ZNF362: variants seen among roughly 807,000 people sequenced by gnomAD.
ZNF362 encodes the protein zinc finger protein 362.
In ZNF362, 11 loss-of-function variants were observed where a neutral mutation model predicts 42.9. The ratio of observed to expected loss-of-function variants is 0.26; its 90% CI spans 0.16 to 0.42. ZNF362 has a LOEUF of 0.42. Ranked by LOEUF, ZNF362 falls within the 20% of genes least tolerant of loss-of-function variation. The pLI, the probability that ZNF362 is intolerant of heterozygous loss-of-function variation, is 1.00. For missense variants in ZNF362, 362 were observed against 576.2 expected, an observed-to-expected ratio of 0.63 and a Z score of 3.81; for synonymous variants, 255 against 257.3, an observed-to-expected ratio of 0.99 and a Z score of 0.09.
the ZNF362 span, chr1:33,147,126 C>A: frequency 3.8e-6 from 6 of 1,581,808 alleles, no homozygotes; most frequent in Admixed American, 1.7e-5. This position sits in a 1 kb window ranked among gnomAD's most constrained non-coding sequence, Gnocchi z 8.1. Flanking sequence ...CTGGGCAGGG[C>A]TCTTGCAGGT....
At chr1:33,228,285 G>T in the ZNF362 span, among the ~76,000 whole-genome samples, 3 of 152,094 alleles carry the variant, frequency 2.0e-5, no homozygotes, top group Non-Finnish European at 2.9e-5. Flanking sequence ...AAACCCAGGA[G>T]TCATCCTTCC....
chr1:33,243,108 A>ATG, the ZNF362 span, among the ~76,000 whole-genome samples: 125 of 144,550 alleles, frequency 8.6e-4, no homozygotes, highest in African/African-American at 3.0e-3. Flanking sequence ...CACAACTGTT[A>ATG]TTATGTTATG....
chr1:33,181,319 G>A, the ZNF362 span: 9 of 1,569,808 alleles, frequency 5.7e-6, no homozygotes, highest in Admixed American at 9.4e-5. The surrounding 1 kb of genome is among the most constrained non-coding windows in gnomAD (Gnocchi z 6.5). Context: ...GCCGCACCCA[G>A]TGCTCCGTGA....
chr1:33,179,528 C>T, the ZNF362 span, among the ~76,000 whole-genome samples: 1 of 152,208 alleles, frequency 6.6e-6, no homozygotes, highest in South Asian at 2.1e-4. Flanking sequence ...TAGCCCACTC[C>T]ATTTTCATAA....
the ZNF362 span, among the ~76,000 whole-genome samples, chr1:33,137,724 T>C: frequency 1.2e-4 from 19 of 152,290 alleles, no homozygotes; most frequent in East Asian, 3.5e-3. Context: ...AACTTTCAAG[T>C]GGCTCAGCAC....
At chr1:33,292,406 C>T (rs979430816) in intron 6 of ZNF362, among the ~76,000 whole-genome samples, 3 of 152,168 alleles carry the variant, frequency 2.0e-5, no homozygotes, top group Admixed American at 1.3e-4. Flanking sequence ...CCTTGCATCC[C>T]AGGGATGAAG....
At chr1:33,286,701 GACAA>G (rs371082255) in intron 6 of ZNF362, among the ~76,000 whole-genome samples, 11 of 152,260 alleles carry the variant, frequency 7.2e-5, no homozygotes, top group Non-Finnish European at 1.2e-4. Flanking sequence ...GGATTCTTTA[GACAA>G]ACAAACAAAC....
the ZNF362 span, among the ~76,000 whole-genome samples, chr1:33,209,948 T>A: frequency 6.6e-6 from 1 of 152,290 alleles, no homozygotes; most frequent in East Asian, 1.9e-4. Flanking sequence ...CTGATCTTAG[T>A]TATTTGTTGC....
At chr1:33,192,240 G>A in the ZNF362 span, among the ~76,000 whole-genome samples, 1 of 152,068 alleles carries the variant, frequency 6.6e-6, no homozygotes, top group Non-Finnish European at 1.5e-5. Flanking sequence ...AACTACCATT[G>A]CCTCCACATC....
At chr1:33,292,547 C>G (rs1646086192) in intron 6 of ZNF362, among the ~76,000 whole-genome samples, 1 of 152,202 alleles carries the variant, frequency 6.6e-6, no homozygotes. Context: ...TGTTGTGTCT[C>G]TGCCAGGCTT....
At chr1:33,175,780 C>G in the ZNF362 span, among the ~76,000 whole-genome samples, 1 of 152,176 alleles carries the variant, frequency 6.6e-6, no homozygotes, top group South Asian at 2.1e-4. Flanking sequence ...TTGTGAGAAT[C>G]AAATGCCTAT....
At chr1:33,159,292 T>A in the ZNF362 span, among the ~76,000 whole-genome samples, 1 of 152,138 alleles carries the variant, frequency 6.6e-6, no homozygotes, top group Non-Finnish European at 1.5e-5. The surrounding 1 kb of genome is among the most constrained non-coding windows in gnomAD (Gnocchi z 4.2). Flanking sequence ...AATATATTTA[T>A]ATTATGATTG....
chr1:33,149,192 C>G, the ZNF362 span, among the ~76,000 whole-genome samples: 1 of 152,092 alleles, frequency 6.6e-6, no homozygotes, highest in African/African-American at 2.4e-5. Context: ...TTGCTTTATC[C>G]CCCAGGCGGG....
chr1:33,243,672 C>T, the ZNF362 span, among the ~76,000 whole-genome samples: 1 of 151,514 alleles, frequency 6.6e-6, no homozygotes, highest in Non-Finnish European at 1.5e-5. Flanking sequence ...TCTCAGCTCA[C>T]TGCAAGCTCC....
intron 6 of ZNF362, among the ~76,000 whole-genome samples, chr1:33,288,780 A>C (rs967718606): frequency 1.5e-5 from 2 of 135,972 alleles, no homozygotes; most frequent in Non-Finnish European, 3.1e-5. Flanking sequence ...GACCACCTAG[A>C]GTCAGGGGTG....
chr1:33,178,097 G>A, the ZNF362 span, among the ~76,000 whole-genome samples: 2 of 152,158 alleles, frequency 1.3e-5, no homozygotes, highest in Non-Finnish European at 2.9e-5. Flanking sequence ...GGAGACTCCA[G>A]CTGAGTATAG....
At chr1:33,191,185 A>AT in the ZNF362 span, among the ~76,000 whole-genome samples, 2 of 152,174 alleles carry the variant, frequency 1.3e-5, no homozygotes, top group African/African-American at 4.8e-5. Flanking sequence ...CTACTTAATA[A>AT]TTTTATACCT....
upstream of ZNF362, among the ~76,000 whole-genome samples, chr1:33,256,281 C>T (rs2148052491): frequency 7.0e-6 from 1 of 143,610 alleles, no homozygotes; most frequent in South Asian, 2.1e-4. Flanking sequence ...CCCCTCCCCT[C>T]TCGCGCAGTC....
chr1:33,184,535 C>T, the ZNF362 span, among the ~76,000 whole-genome samples: 1 of 152,148 alleles, frequency 6.6e-6, no homozygotes, highest in Non-Finnish European at 1.5e-5. Flanking sequence ...TTTGCTCTCC[C>T]ATGCTCCATT....
Sources: allele counts gnomAD v4.1 joint callset (sites outside exome capture counted in the v4.1 genomes callset), GRCh38; gene constraint gnomAD v4.1.1; non-coding constraint Gnocchi (gnomAD v3.1); transcripts MANE v1.5; gene names NCBI Gene and HGNC (gene_info 2026-07-23, HGNC 2026-07-21).